Variants in SMC6 observed in about 807,000 individuals in gnomAD.
The protein encoded by SMC6 is structural maintenance of chromosomes protein 6.
A neutral mutation model predicts 142.2 loss-of-function variants in SMC6; 79 were observed. The ratio of observed to expected loss-of-function variants is 0.56; its 90% CI spans 0.46 to 0.67. The LOEUF is 0.67. Among genes scored for constraint, SMC6 ranks in the 30% least tolerant of loss-of-function variants. The pLI, the probability that SMC6 is intolerant of heterozygous loss-of-function variation, is 0.00. For missense variants in SMC6, 1,072 were observed against 1,284.0 expected (o/e 0.83, Z 2.52); for synonymous variants, 411 against 412.4 (o/e 1.00, Z 0.04).
intron 5 of SMC6, among the ~76,000 whole-genome samples, chr2:17,735,378 C>T (rs747203716): frequency 2.6e-5 from 4 of 152,282 alleles, no homozygotes; most frequent in African/African-American, 4.8e-5. Flanking sequence ...GGCAGCAGTG[C>T]ACATCAATGA....
rs958091391 is a variant in SMC6 at position 17,665,674 on chromosome 2, T to A, written c.3162-61A>T. The A allele has an allele frequency of 1.8e-4, 178 of 990,218 alleles. 1 individual carries two copies. Among genetic ancestry groups the A allele is most frequent in the Non-Finnish European group, 7.2e-5 (48 of 662,214 alleles). The allele number at this position is 990,218 out of a possible 1,614,324, so 61.3% of individuals were successfully genotyped here. A position where few individuals can be genotyped will look rare whatever the true frequency, so the allele number is the denominator to read the frequency against. ...GAAACCTTTTACCAATTAAAAAAAATTCTAATATTACCTCATGAAAATATA... is the reference window on the plus strand; with the variant it reads ...GAAACCTTTTACCAATTAAAAAAAAATCTAATATTACCTCATGAAAATATA... On this transcript the variant is annotated intron_variant, in intron 27 of 27. Coordinates refer to ENST00000448223, the MANE Select transcript of SMC6 (RefSeq NM_001142286.2).
At chr2:17,686,566 T>C (rs1468067062) in intron 23 of SMC6, among the ~76,000 whole-genome samples, 1 of 152,186 alleles carries the variant, frequency 6.6e-6, no homozygotes, top group Middle Eastern at 3.4e-3. Context: ...AAGTGAAAAA[T>C]TCCACACCTG....
chr2:17,701,703 G>A, intron 20 of SMC6, 126 bp downstream of exon 20: 1 of 612,016 alleles, frequency 1.6e-6, no homozygotes, highest in South Asian at 2.1e-5. Flanking sequence ...TTGGTGAATG[G>A]AGACAGCAAT....
At chr2:17,673,599 C>T (rs535100996) in intron 25 of SMC6, among the ~76,000 whole-genome samples, 115 of 147,934 alleles carry the variant, frequency 7.8e-4, no homozygotes, top group African/African-American at 2.4e-3. Flanking sequence ...GACAGAGTTT[C>T]GCTCTTATTG....
In SMC6 at chr2:17,700,230, G is replaced by T. The variant is rs769793573; in HGVS notation, c.2372C>A (p.Ser791Ter). Reference sequence around the variant, plus strand: ...TACCTTAAGTGGGTCTGCTAGCTCCGATAGTTGATTAATTTTGAATTTAAT... The same window carrying T: ...TACCTTAAGTGGGTCTGCTAGCTCCTATAGTTGATTAATTTTGAATTTAAT... ...DAIKFKINQLSELADPLKDEL... is the reference protein window; with the variant it reads ...DAIKFKINQL Residue 791 changes from serine (S) to a stop codon, truncating the protein, a stop_gained, in exon 21 of 28, where the codon TCG (serine) becomes TAG (stop). Coordinates refer to ENST00000448223, the MANE Select transcript of SMC6 (RefSeq NM_001142286.2). LOFTEE classifies it high-confidence loss of function. 6.2e-7 allele frequency: 1 copy of T among 1,606,100 alleles called. No homozygotes were observed. The highest frequency in any genetic ancestry group is 8.5e-7 in the Non-Finnish European group (1 of 1,176,308).
At chr2:17,744,630 GAAGCAAACACCTTTGTCT>G (rs1380834855) in intron 3 of SMC6, among the ~76,000 whole-genome samples, 1 of 152,176 alleles carries the variant, frequency 6.6e-6, no homozygotes, top group Non-Finnish European at 1.5e-5. Context: ...ATAAGTGACA[GAAGCAAACACCTTTGTCT>G]TCTTCCTGAT....
chr2:17,746,106 A>C, intron 2 of SMC6, 155 bp from the exon 3 acceptor site: 1 of 719,716 alleles, frequency 1.4e-6, no homozygotes, highest in Non-Finnish European at 2.0e-6. Context: ...ATCTTGCACT[A>C]AGGAAGAGGG....
intron 2 of SMC6, among the ~76,000 whole-genome samples, chr2:17,751,192 A>G (rs1194513242): frequency 6.6e-6 from 1 of 152,020 alleles, no homozygotes; most frequent in African/African-American, 2.4e-5. Flanking sequence ...GAAAACACTG[A>G]GTTTGGGCTG....
At position 17,721,152 on chromosome 2, in the gene SMC6, G is replaced by A; in HGVS notation, c.836C>T (p.Ala279Val). 6.2e-7 allele frequency: 1 copy of A among 1,610,982 alleles called. No individual in the cohort carries two copies. ...TTAAGTGATAATTACCACTGCCCAA[G>A]CCATTTCATGTTTCAAGGACTCTAA... Reference protein sequence around the residue: ...TNLESLKHEMAWAVVNEIEKQ... With the variant: ...TNLESLKHEMVWAVVNEIEKQ... The change falls in exon 10 of 28, where the codon GCT (alanine) becomes GTT (valine). Residue 279 changes from alanine to valine, a missense_variant. Transcript: ENST00000448223.
intron 3 of SMC6, among the ~76,000 whole-genome samples, chr2:17,745,201 G>A (rs1572365508): frequency 6.6e-6 from 1 of 152,160 alleles, no homozygotes; most frequent in South Asian, 2.1e-4. Flanking sequence ...TCATTGTCTG[G>A]TTTTGGCATC....
At chr2:17,709,870 G>C (rs183257539) in intron 16 of SMC6, among the ~76,000 whole-genome samples, 1 of 152,172 alleles carries the variant, frequency 6.6e-6, no homozygotes, top group African/African-American at 2.4e-5. Flanking sequence ...ACAGAGGGAA[G>C]AGCAATCGCA....
intron 18 of SMC6, among the ~76,000 whole-genome samples, chr2:17,703,573 A>G (rs1374111134): frequency 6.6e-6 from 1 of 152,166 alleles, no homozygotes; most frequent in African/African-American, 2.4e-5. Context: ...CCACTTATAC[A>G]CAGATTTTCT....
chr2:17,666,888 AG>A (rs1169517558), intron 26 of SMC6, among the ~76,000 whole-genome samples: 1 of 152,044 alleles, frequency 6.6e-6, no homozygotes, highest in Non-Finnish European at 1.5e-5. Context: ...AGGCCGAGGC[AG>A]GAGGATCACT....
chr2:17,684,911 C>T (rs986947187), intron 23 of SMC6, among the ~76,000 whole-genome samples: 1 of 151,800 alleles, frequency 6.6e-6, no homozygotes, highest in Non-Finnish European at 1.5e-5. Flanking sequence ...CATAAAAGAA[C>T]TGAAAGAATA....
chr2:17,691,797 T>G (rs1667745104), intron 23 of SMC6, among the ~76,000 whole-genome samples: 1 of 152,172 alleles, frequency 6.6e-6, no homozygotes, highest in African/African-American at 2.4e-5. Flanking sequence ...ATGACATGAT[T>G]GTATATCTAG....
intron 5 of SMC6, among the ~76,000 whole-genome samples, chr2:17,737,031 G>A (rs1184825379): frequency 6.6e-6 from 1 of 152,156 alleles, no homozygotes; most frequent in Non-Finnish European, 1.5e-5. Context: ...GGTGGTGAGA[G>A]GAAGACTTTG....
At chr2:17,687,724 C>G (rs1488980877) in intron 23 of SMC6, among the ~76,000 whole-genome samples, 1 of 152,034 alleles carries the variant, frequency 6.6e-6, no homozygotes, top group Non-Finnish European at 1.5e-5. Flanking sequence ...CTTGTGAAAC[C>G]ATGTTAATTT....
intron 15 of SMC6, among the ~76,000 whole-genome samples, chr2:17,715,556 A>G (rs1669042260): frequency 6.6e-6 from 1 of 152,186 alleles, no homozygotes; most frequent in African/African-American, 2.4e-5. Flanking sequence ...AAATATATTT[A>G]TAAGCATTTT....
intron 18 of SMC6, among the ~76,000 whole-genome samples, chr2:17,704,485 A>G (rs1668411714): frequency 6.6e-6 from 1 of 152,184 alleles, no homozygotes; most frequent in Non-Finnish European, 1.5e-5. Context: ...TCTTTTCCTC[A>G]CTAATCCAAG....
Sources: gnomAD v4.1 joint callset for allele counts (sites outside exome capture counted in the v4.1 genomes callset) on GRCh38, gnomAD v4.1.1 for gene constraint, MANE v1.5 for transcripts, NCBI Gene and HGNC (gene_info 2026-07-23, HGNC 2026-07-21) for gene names.